Variants in UXS1 observed in about 807,000 individuals in gnomAD.
UXS1 encodes UDP-glucuronic acid decarboxylase 1.
UXS1 carries 33 observed loss-of-function variants against 62.6 expected under a neutral mutation model. That is an observed-to-expected ratio of 0.53 (90% CI 0.40 to 0.70). The LOEUF (loss-of-function observed/expected upper bound fraction) is 0.70. UXS1 is among the 30% of genes least tolerant of loss of function. UXS1 has a pLI of 0.00. For synonymous variants in UXS1, 213 were observed against 206.8 expected, an observed-to-expected ratio of 1.03 and a Z score of -0.26; for missense variants, 434 against 556.3, an observed-to-expected ratio of 0.78 and a Z score of 2.21.
At chr2:106,126,425 G>A (rs971472851) in intron 7 of UXS1, among the ~76,000 whole-genome samples, 1 of 152,122 alleles carries the variant, frequency 6.6e-6, no homozygotes, top group African/African-American at 2.4e-5. Flanking sequence ...TACACTAGAG[G>A]GGGGCTGTGC....
intron 5 of UXS1, among the ~76,000 whole-genome samples, chr2:106,149,218 G>A (rs1456820956): frequency 6.6e-6 from 1 of 152,120 alleles, no homozygotes. Context: ...GTTTGCTGTG[G>A]TGATGTGTAA....
At chr2:106,125,712 G>T in intron 7 of UXS1, 33 bp from the exon 8 acceptor site, 2 of 1,535,788 alleles carry the variant, frequency 1.3e-6, no homozygotes, top group South Asian at 1.2e-5. Flanking sequence ...AAAAGAGACT[G>T]AATTTACATG....
intron 1 of UXS1, among the ~76,000 whole-genome samples, chr2:106,189,444 A>G (rs1684781758): frequency 6.6e-6 from 1 of 152,208 alleles, no homozygotes. Flanking sequence ...CATCATTGTC[A>G]AGCTGAGTTC....
At chr2:106,153,881 G>A (rs1340488298) in intron 5 of UXS1, among the ~76,000 whole-genome samples, 1 of 152,190 alleles carries the variant, frequency 6.6e-6, no homozygotes, top group Non-Finnish European at 1.5e-5. Context: ...ATAATAAAGA[G>A]AGATTACAAA....
At chr2:106,183,742 T>A (rs1684390380) in intron 1 of UXS1, 1 of 152,204 alleles carries the variant, frequency 6.6e-6, no homozygotes, top group African/African-American at 2.4e-5. Context: ...ATCAGCTCTT[T>A]AGAGAAATCC....
intron 1 of UXS1, among the ~76,000 whole-genome samples, chr2:106,183,124 A>G (rs1684345650): frequency 6.6e-6 from 1 of 152,068 alleles, no homozygotes; most frequent in Non-Finnish European, 1.5e-5. Context: ...AGCCATCACT[A>G]GCCCCTTTGA....
At chr2:106,097,273 A>C (rs1054979462) in intron 13 of UXS1, 12 of 449,646 alleles carry the variant, frequency 2.7e-5, no homozygotes, top group Non-Finnish European at 4.1e-5. Context: ...GACAGCCCTG[A>C]GACCCAAGAT....
intron 3 of UXS1, 38 bp from the exon 4 acceptor site, chr2:106,163,748 A>T (rs1241899324): frequency 1.5e-6 from 2 of 1,355,610 alleles, no homozygotes. Context: ...TTAAAGCAAA[A>T]ACACAGTTCT....
intron 1 of UXS1, among the ~76,000 whole-genome samples, chr2:106,168,524 C>A (rs1345793380): frequency 6.6e-6 from 1 of 152,188 alleles, no homozygotes; most frequent in Non-Finnish European, 1.5e-5. Context: ...GCCTTGAATT[C>A]TTTCTTGTGG....
rs568499919 is a variant in UXS1, at chr2:106,143,872, C to A, written c.472+1318G>T. ...GCTTCCCTTCTGCCTGGTCTCCCCG[C>A]GGTATCTCTTCTACCCAGTCTCTCT... On this transcript the variant is annotated intron_variant, in intron 6 of 14. Coordinates refer to ENST00000283148, the MANE Select transcript of UXS1 (RefSeq NM_001253875.2). Among the ~76,000 whole-genome samples the A allele has an allele frequency of 7.2e-4, 109 of 152,324 alleles. 2 individuals are homozygous for A. The highest frequency in any genetic ancestry group is 2.5e-3 in the African/African-American group (105 of 41,574).
chr2:106,185,135 C>T (rs549279737), intron 1 of UXS1, among the ~76,000 whole-genome samples: 125 of 152,296 alleles, frequency 8.2e-4, no homozygotes, highest in African/African-American at 2.1e-3. Flanking sequence ...CTCATTCCAT[C>T]ACTTTCACCT....
intron 12 of UXS1, among the ~76,000 whole-genome samples, chr2:106,099,457 G>A (rs929571221): frequency 4.6e-5 from 7 of 152,156 alleles, no homozygotes; most frequent in African/African-American, 7.2e-5. Flanking sequence ...CCAGGTCCTC[G>A]GTTAGCCTGA....
At chr2:106,152,273 GA>G (rs765157565) in intron 5 of UXS1, among the ~76,000 whole-genome samples, 46 of 152,108 alleles carry the variant, frequency 3.0e-4, no homozygotes, top group Non-Finnish European at 5.7e-4. Flanking sequence ...CCAACATGGT[GA>G]AACCCCACCT....
chr2:106,154,505 GTGATGCCTCTACCAGC>G (rs1248285606), intron 5 of UXS1, among the ~76,000 whole-genome samples: 1 of 152,204 alleles, frequency 6.6e-6, no homozygotes, highest in Non-Finnish European at 1.5e-5. Flanking sequence ...AGAGACTAGA[GTGATGCCTCTACCAGC>G]CAAAGAACAC....
intron 13 of UXS1, among the ~76,000 whole-genome samples, chr2:106,098,300 A>G (rs7601269): frequency 0.75 from 113,558 of 152,168 alleles, 42,693 homozygotes; most frequent in South Asian, 0.78. Flanking sequence ...AGTGGGTGGC[A>G]GCCAGGATAA....
intron 11 of UXS1, chr2:106,102,313 A>C (rs1336568030): frequency 6.6e-6 from 1 of 152,222 alleles, no homozygotes; most frequent in African/African-American, 2.4e-5. Context: ...AGACATTAAA[A>C]GCTGCCATTC....
At chr2:106,095,903 G>A (rs1677040548) in intron 14 of UXS1, among the ~76,000 whole-genome samples, 1 of 152,224 alleles carries the variant, frequency 6.6e-6, no homozygotes, top group Non-Finnish European at 1.5e-5. Context: ...GCAGGCGGCA[G>A]AGCAGAAGCA....
At chr2:106,158,198 T>C in intron 4 of UXS1, 80 bp from the exon 5 acceptor site, 2 of 1,261,426 alleles carry the variant, frequency 1.6e-6, no homozygotes, top group Non-Finnish European at 2.2e-6. Context: ...TCAAAGCATG[T>C]GCCAGGTTTT....
At chr2:106,117,805 C>G (rs1194622058) in intron 9 of UXS1, among the ~76,000 whole-genome samples, 1 of 152,228 alleles carries the variant, frequency 6.6e-6, no homozygotes, top group South Asian at 2.1e-4. Flanking sequence ...ATGCATACAT[C>G]TCGATGGGTT....
Sources: allele counts gnomAD v4.1 joint callset (sites outside exome capture counted in the v4.1 genomes callset), GRCh38; gene constraint gnomAD v4.1.1; transcripts MANE v1.5; gene names NCBI Gene and HGNC (gene_info 2026-07-23, HGNC 2026-07-21).